Variants in WNT10A observed in about 807,000 individuals in gnomAD.
WNT10A encodes the protein Wnt family member 10A.
A neutral mutation model predicts 36.1 loss-of-function variants in WNT10A; 37 were observed. The ratio of observed to expected loss-of-function variants is 1.02; its 90% CI spans 0.79 to 1.35. The LOEUF (loss-of-function observed/expected upper bound fraction) is 1.35. Among genes scored for constraint, WNT10A ranks in the 40% most tolerant of loss-of-function variants. The pLI, the probability that WNT10A is intolerant of heterozygous loss-of-function variation, is 0.00. For missense variants in WNT10A, 613 were observed against 601.4 expected (o/e 1.02, Z -0.20); for synonymous variants, 255 against 254.1 (o/e 1.00, Z -0.03).
In WNT10A at chr2:218,882,314, C is replaced by A. The variant is rs1163224121; in HGVS notation, c.267C>A (p.Ile89=). 1 of 1,614,166 alleles carries A rather than the reference C, an allele frequency of 6.2e-7. No individual in the cohort carries two copies. Among genetic ancestry groups the A allele is most frequent in the Non-Finnish European group, 8.5e-7 (1 of 1,180,030 alleles). The change falls in exon 2 of 4, where the codon ATC becomes ATA. Residue 89 remains isoleucine, a synonymous_variant. Transcript: ENST00000258411. ...PDVAASAIQG[I]QIAIHECQHQ... The stretch of plus-strand genomic sequence containing the variant: ...TGGCTGCCTCAGCCATACAGGGCAT[C>A]CAGATCGCCATCCACGAATGCCAAC...
At chr2:218,874,598 T>G in the WNT10A span, among the ~76,000 whole-genome samples, 1 of 152,208 alleles carries the variant, frequency 6.6e-6, no homozygotes, top group Non-Finnish European at 1.5e-5. Flanking sequence ...TCTCCAGAGC[T>G]GAAGCTTGAG....
At chr2:218,882,671 C>T (rs900482655) in intron 2 of WNT10A, among the ~76,000 whole-genome samples, 4 of 152,184 alleles carry the variant, frequency 2.6e-5, no homozygotes, top group Non-Finnish European at 5.9e-5. Context: ...TAGAACTGGA[C>T]TCCTGGGTCA....
upstream of WNT10A, chr2:218,880,839 G>A (rs1944502887): frequency 2.5e-6 from 2 of 804,742 alleles, no homozygotes; most frequent in Admixed American, 7.5e-5. The surrounding 1 kb of genome is among the most constrained non-coding windows in gnomAD (Gnocchi z 7.7). Flanking sequence ...CATGGAGCGG[G>A]GAGGCGGGCG....
At chr2:218,885,897 G>A (rs1944572135) in intron 2 of WNT10A, among the ~76,000 whole-genome samples, 1 of 152,202 alleles carries the variant, frequency 6.6e-6, no homozygotes, top group Non-Finnish European at 1.5e-5. Flanking sequence ...CCTGCTGTGT[G>A]TTAGGCACTG....
At chr2:218,874,652 C>T in the WNT10A span, among the ~76,000 whole-genome samples, 2 of 152,174 alleles carry the variant, frequency 1.3e-5, no homozygotes, top group Non-Finnish European at 2.9e-5. Flanking sequence ...CATAGCCCAA[C>T]TTCCAGGACC....
chr2:218,893,393 A>G lies in WNT10A; in HGVS notation c.*122A>G. The stretch of plus-strand genomic sequence containing the variant: ...TGGGAAGAGGAGATTGGACCACATG[A>G]TCTTATAGGAACCCCTCAGCTCTGA... On this transcript the variant is annotated 3_prime_UTR_variant, in exon 4 of 4. Coordinates refer to ENST00000258411, the MANE Select transcript of WNT10A (RefSeq NM_025216.3). This position sits in a 1 kb window ranked among gnomAD's most constrained non-coding sequence, Gnocchi z 6.3. 7.4e-7 allele frequency: 1 copy of G among 1,357,746 alleles called. No individual in the cohort carries two copies. The allele number at this position is 1,357,746 out of a possible 1,614,324, so 84.1% of individuals were successfully genotyped here.
chr2:218,879,709 T>C (rs1042591173), upstream of WNT10A, among the ~76,000 whole-genome samples: 1 of 152,184 alleles, frequency 6.6e-6, no homozygotes, highest in South Asian at 2.1e-4. Context: ...ACACTCAGTG[T>C]TGGGGAGGCA....
upstream of WNT10A, among the ~76,000 whole-genome samples, chr2:218,875,876 T>C (rs956509402): frequency 2.0e-5 from 3 of 152,240 alleles, no homozygotes; most frequent in East Asian, 5.8e-4. Context: ...CAAATGAAGA[T>C]ACCTGACTTT....
intron 2 of WNT10A, among the ~76,000 whole-genome samples, chr2:218,885,159 T>C (rs1944564906): frequency 6.6e-6 from 1 of 151,288 alleles, no homozygotes; most frequent in Non-Finnish European, 1.5e-5. Flanking sequence ...GATGAGGGGG[T>C]GCTGGAGCCT....
chr2:218,893,141 T>G lies in WNT10A; in HGVS notation c.1124T>G (p.Met375Arg), dbSNP rs773598047. Residue 375 changes from methionine to arginine, a missense_variant, in exon 4 of 4, where the codon ATG becomes AGG. By Grantham distance (91) the Met-to-Arg change is moderately conservative. Transcript: ENST00000258411. The surrounding 1 kb of genome is among the most constrained non-coding windows in gnomAD (Gnocchi z 6.3). Reference protein sequence around the residue: ...SSAGSDGCGSMCCGRGHNILR... With the variant: ...SSAGSDGCGSRCCGRGHNILR... ...GCCGGCTCGGATGGCTGCGGCAGCA[T>G]GTGCTGCGGCCGCGGCCACAACATC... 1.9e-6 allele frequency: 3 copies of G among 1,591,994 alleles called. No homozygotes were observed. The highest frequency in any genetic ancestry group is 2.5e-6 in the Non-Finnish European group (3 of 1,176,626).
intron 3 of WNT10A, 46 bp downstream of exon 3, chr2:218,890,409 G>C (rs1944637855): frequency 1.3e-6 from 2 of 1,598,414 alleles, no homozygotes; most frequent in African/African-American, 1.3e-5. Context: ...TTTGCCTAGG[G>C]CCTACCCCTT....
At chr2:218,879,683 C>T (rs190737671), upstream of WNT10A, among the ~76,000 whole-genome samples, 101 of 152,296 alleles carry the variant, frequency 6.6e-4, no homozygotes, top group Admixed American at 1.4e-3. Flanking sequence ...AGAGTATCTG[C>T]GGGCACAGGC....
chr2:218,884,622 GGCCACCACT>G (rs1343910472), intron 2 of WNT10A, among the ~76,000 whole-genome samples: 7 of 152,096 alleles, frequency 4.6e-5, no homozygotes, highest in African/African-American at 1.7e-4. Context: ...CTCCTCCACT[GGCCACCACT>G]GCACCCCTGA....
Position 218,888,055 on chromosome 2 carries a change from T to G in WNT10A, c.377-1929T>G, listed in dbSNP as rs116590012. Among the ~76,000 whole-genome samples the G allele has an allele frequency of 4.5e-3, 690 of 152,340 alleles. 7 individuals carry two copies. The highest frequency in any genetic ancestry group is 8.0e-3 in the Non-Finnish European group (544 of 68,032). On this transcript the variant is annotated intron_variant, in intron 2 of 3. Coordinates refer to ENST00000258411, the MANE Select transcript of WNT10A (RefSeq NM_025216.3). ...CAGCTTGTTCTGTTTCTTTCTGTTATTTTTTGTTTGTTGGTTGTTTTTGGT... is the reference window on the plus strand; with the variant it reads ...CAGCTTGTTCTGTTTCTTTCTGTTAGTTTTTGTTTGTTGGTTGTTTTTGGT...
chr2:218,890,305 A>G lies in WNT10A; in HGVS notation c.698A>G (p.Glu233Gly). 1 of 1,604,470 alleles carries G rather than the reference A, an allele frequency of 6.2e-7. No homozygotes were observed. Among genetic ancestry groups the G allele is most frequent in the Non-Finnish European group, 8.5e-7 (1 of 1,179,928 alleles). Residue 233 changes from glutamate (E) to glycine (G), a missense_variant, in exon 3 of 4, where the codon GAG becomes GGG. Transcript: ENST00000258411. ...TCTAAGGACTTTCTGGACTCCCGGGAGCCTCACAGAGACATCCACGCGAGA... is the reference window on the plus strand; with the variant it reads ...TCTAAGGACTTTCTGGACTCCCGGGGGCCTCACAGAGACATCCACGCGAGA... ...RFSKDFLDSR[E>G]PHRDIHARMR...
At chr2:218,885,416 C>T (rs1234742792) in intron 2 of WNT10A, among the ~76,000 whole-genome samples, 1 of 152,210 alleles carries the variant, frequency 6.6e-6, no homozygotes, top group Non-Finnish European at 1.5e-5. Flanking sequence ...AGAACCCCTT[C>T]TCTCACTGTG....
At chr2:218,876,805 T>C (rs1378365619), upstream of WNT10A, among the ~76,000 whole-genome samples, 3 of 152,100 alleles carry the variant, frequency 2.0e-5, no homozygotes, top group Non-Finnish European at 2.9e-5. Flanking sequence ...CCAGAGGGCA[T>C]GCGGAGCCCA....
In WNT10A at chr2:218,893,099, T is replaced by C; in HGVS notation, c.1082T>C (p.Leu361Pro). ...RLDSAGTVGR[L>P]CNKSSAGSDG... ...GACTCGGCGGGCACCGTGGGCCGCC[T>C]GTGCAACAAGAGCAGCGCCGGCTCG... The change falls in exon 4 of 4, where the codon CTG becomes CCG. Residue 361 changes from leucine to proline, a missense_variant. By Grantham distance (98) the Leu-to-Pro change is moderately conservative. Transcript: ENST00000258411. This position sits in a 1 kb window ranked among gnomAD's most constrained non-coding sequence, Gnocchi z 6.3. The C allele has an allele frequency of 6.3e-7, 1 of 1,596,560 alleles. No homozygotes were observed. The highest frequency in any genetic ancestry group is 8.5e-7 in the Non-Finnish European group (1 of 1,179,194).
intron 2 of WNT10A, among the ~76,000 whole-genome samples, chr2:218,888,334 A>G (rs771067093): frequency 6.6e-6 from 1 of 152,228 alleles, no homozygotes; most frequent in Non-Finnish European, 1.5e-5. Context: ...TCCCCCTGCC[A>G]CAGGTCCAGG....
Sources: gnomAD v4.1 joint callset for allele counts (sites outside exome capture counted in the v4.1 genomes callset) on GRCh38, gnomAD v4.1.1 for gene constraint, Gnocchi (gnomAD v3.1) non-coding constraint, MANE v1.5 for transcripts, NCBI Gene and HGNC (gene_info 2026-07-23, HGNC 2026-07-21) for gene names.